JAKMIP1: variants seen among roughly 807,000 people sequenced by gnomAD.
JAKMIP1 encodes the protein janus kinase and microtubule interacting protein 1, also known as janus kinase and microtubule-interacting protein 1.
A neutral mutation model predicts 113.0 loss-of-function variants in JAKMIP1; 33 were observed. The observed-to-expected ratio is 0.29, with a 90% confidence interval of 0.22 to 0.39. JAKMIP1 has a LOEUF of 0.39. Ranked by LOEUF, JAKMIP1 falls within the 10% of genes least tolerant of loss-of-function variation. The pLI is 1.00. For missense variants in JAKMIP1, 813 were observed against 1,080.5 expected (o/e 0.75, Z 3.47); for synonymous variants, 480 against 459.9 (o/e 1.04, Z -0.56).
chr4:6,164,767 C>T (rs374400894), intron 1 of JAKMIP1, among the ~76,000 whole-genome samples: 3 of 152,270 alleles, frequency 2.0e-5, no homozygotes, highest in Non-Finnish European at 2.9e-5. Flanking sequence ...TGGAAGTAAT[C>T]GCATAAGTGG....
chr4:6,103,475 G>A lies in JAKMIP1; in HGVS notation c.624+1998C>T, dbSNP rs567848929. 2.2e-3 allele frequency among the ~76,000 whole-genome samples: 338 copies of A among 152,256 alleles called. 1 individual carries two copies. In the South Asian group the frequency reaches 0.024, roughly 11 times the overall value. On this transcript the variant is annotated intron_variant, in intron 3 of 20. Coordinates refer to ENST00000409021, the MANE Select transcript of JAKMIP1 (RefSeq NM_001099433.2). ...GGTAATCCAAAAGTTTTCTTATCCT[G>A]TAATGTTATTGCTTTTGGAATCAGA... is the stretch of plus-strand genomic sequence containing the variant.
rs1018824470 is a variant in JAKMIP1, at chr4:6,140,857, C to T, written c.-147-27860G>A. On this transcript the variant is annotated intron_variant, in intron 1 of 20. Transcript: ENST00000409021. The surrounding 1 kb of genome is among the most constrained non-coding windows in gnomAD (Gnocchi z 9.4). ...GGTCAGCCACAGGCACTGGTTGGAGCTCATCTGTCCTCAGCACAGTGCCTG... is the reference window on the plus strand; with the variant it reads ...GGTCAGCCACAGGCACTGGTTGGAGTTCATCTGTCCTCAGCACAGTGCCTG... 6.6e-6 allele frequency among the ~76,000 whole-genome samples: 1 copy of T among 152,192 alleles called. No homozygotes were observed. Among genetic ancestry groups the T allele is most frequent in the African/African-American group, 2.4e-5 (1 of 41,426 alleles).
chr4:6,089,998 A>C lies in JAKMIP1; in HGVS notation c.625-4369T>G, dbSNP rs1470584602. On this transcript the variant is annotated intron_variant, in intron 3 of 20. Coordinates refer to ENST00000409021, the MANE Select transcript of JAKMIP1 (RefSeq NM_001099433.2). The surrounding 1 kb of genome is among the most constrained non-coding windows in gnomAD (Gnocchi z 5.3). The stretch of plus-strand genomic sequence containing the variant: ...GCACTTTGGGAGGCCGAGGCAGGCG[A>C]ATCACCTGGGGTCAGGAGTCTGAGA... Among the ~76,000 whole-genome samples, 2 of 152,148 alleles carry C rather than the reference A, an allele frequency of 1.3e-5. No homozygotes were observed. The highest frequency in any genetic ancestry group is 4.8e-5 in the African/African-American group (2 of 41,436).
intron 19 of JAKMIP1, among the ~76,000 whole-genome samples, chr4:6,035,512 A>G (rs1713297493): frequency 6.6e-6 from 1 of 152,136 alleles, no homozygotes; most frequent in Non-Finnish European, 1.5e-5. Flanking sequence ...CAGACCTACA[A>G]CTGGTACAGC....
At chr4:6,043,763 G>C (rs1714651199) in intron 16 of JAKMIP1, among the ~76,000 whole-genome samples, 1 of 104,662 alleles carries the variant, frequency 9.6e-6, no homozygotes, top group South Asian at 3.0e-4. Context: ...TGCCCCCCCA[G>C]CCAGCAAGTT....
intron 1 of JAKMIP1, among the ~76,000 whole-genome samples, chr4:6,177,594 A>G (rs73077418): frequency 0.073 from 11,104 of 152,164 alleles, 657 homozygotes; most frequent in African/African-American, 0.17. Flanking sequence ...CTGCATCATC[A>G]CACCTCACTT....
rs1490465062 is a variant in JAKMIP1, at chr4:6,192,333, A to G, written c.-148+7920T>C. Among the ~76,000 whole-genome samples the G allele has an allele frequency of 6.6e-6, 1 of 152,198 alleles. No homozygotes were observed. The highest frequency in any genetic ancestry group is 1.5e-5 in the Non-Finnish European group (1 of 68,040). On this transcript the variant is annotated intron_variant, in intron 1 of 20. Coordinates refer to ENST00000409021, the MANE Select transcript of JAKMIP1 (RefSeq NM_001099433.2). This position sits in a 1 kb window ranked among gnomAD's most constrained non-coding sequence, Gnocchi z 5.0. The stretch of plus-strand genomic sequence containing the variant: ...AGTGGCTACTGGAATGGGACAGCTC[A>G]GCTCCAGGAGGTCCCCTGGTGGCCT...
At chr4:6,164,815 C>T (rs1335043529) in intron 1 of JAKMIP1, among the ~76,000 whole-genome samples, 1 of 152,264 alleles carries the variant, frequency 6.6e-6, no homozygotes, top group African/African-American at 2.4e-5. Flanking sequence ...AAGTGGATTC[C>T]GAAGATGTGA....
chr4:6,164,332 T>A (rs919941264), intron 1 of JAKMIP1, among the ~76,000 whole-genome samples: 1 of 152,160 alleles, frequency 6.6e-6, no homozygotes, highest in Non-Finnish European at 1.5e-5. Context: ...CACATCTGTC[T>A]GTAGCATGGT....
intron 1 of JAKMIP1, among the ~76,000 whole-genome samples, chr4:6,170,011 C>CA (rs758718517): frequency 0.01 from 1,033 of 100,226 alleles, 12 homozygotes; most frequent in African/African-American, 0.041. Flanking sequence ...CACCACCACC[C>CA]TCACCACCAC....
At chr4:6,170,224 G>C (rs1159762853) in intron 1 of JAKMIP1, among the ~76,000 whole-genome samples, 9 of 97,018 alleles carry the variant, frequency 9.3e-5, no homozygotes, top group East Asian at 3.4e-4. Context: ...CCATCATAAT[G>C]CTCTCCACCA....
intron 1 of JAKMIP1, among the ~76,000 whole-genome samples, chr4:6,165,293 A>G (rs1007639625): frequency 2.0e-5 from 3 of 152,130 alleles, no homozygotes; most frequent in Admixed American, 1.3e-4. Context: ...GTTTTGTTTT[A>G]TTTTGTTTTG....
rs1712343584 is a variant in JAKMIP1, at chr4:6,029,719, T to C, written c.2442A>G (p.Glu814=). The C allele has an allele frequency of 6.3e-7, 1 of 1,598,448 alleles. No homozygotes were observed. The change falls in exon 20 of 21, where the codon GAA becomes GAG. Residue 814 remains glutamate, a synonymous_variant. Coordinates refer to ENST00000409021, the MANE Select transcript of JAKMIP1 (RefSeq NM_001099433.2). ...FQKRHLKELE[E]KFLFLFLFFS... ...AGTCTGAGCTGCAGTCACCTACCTTTTCCTCCAGTTCTTTCAGGTGCCGCT... is the reference window on the plus strand; with the variant it reads ...AGTCTGAGCTGCAGTCACCTACCTTCTCCTCCAGTTCTTTCAGGTGCCGCT...
rs759936324 is a variant in JAKMIP1 at position 6,098,546 on chromosome 4, A to AAAAG, written c.624+6923_624+6926dup. 7.6e-3 allele frequency among the ~76,000 whole-genome samples: 353 copies of AAAAG among 46,560 alleles called. 8 individuals are homozygous for AAAAG. Among genetic ancestry groups the AAAAG allele is most frequent in the African/African-American group, 0.017 (322 of 19,114 alleles). The allele number at this position is 46,560 out of a possible 152,430, so 30.5% of individuals were successfully genotyped here. A position where few individuals can be genotyped will look rare whatever the true frequency, so the allele number is the denominator to read the frequency against. Reference sequence around the variant, plus strand: ...AGAAAGAGAGAGAGAGAGAGAAAGAAAAAGAAAGAAAGAAAGAAAGAAAGA... The same window carrying AAAAG: ...AGAAAGAGAGAGAGAGAGAGAAAGAAAAAGAAAGAAAGAAAGAAAGAAAGAAAGA... On this transcript the variant is annotated intron_variant, in intron 3 of 20. Transcript: ENST00000409021.
In JAKMIP1 at chr4:6,178,123, G is replaced by T. The variant is rs1237213184; in HGVS notation, c.-148+22130C>A. ...CCGACCCTCCTCCCTGGAGGGGAGG[G>T]ATAGGAAAGAAGGAAACAGAAGCCC... On this transcript the variant is annotated intron_variant, in intron 1 of 20. Coordinates refer to ENST00000409021, the MANE Select transcript of JAKMIP1 (RefSeq NM_001099433.2). This position sits in a 1 kb window ranked among gnomAD's most constrained non-coding sequence, Gnocchi z 5.5. 1.3e-5 allele frequency among the ~76,000 whole-genome samples: 2 copies of T among 152,322 alleles called. No homozygotes were observed. The highest frequency in any genetic ancestry group is 3.9e-4 in the East Asian group (2 of 5,184).
chr4:6,041,585 C>T (rs1370083833), intron 17 of JAKMIP1, among the ~76,000 whole-genome samples: 1 of 152,194 alleles, frequency 6.6e-6, no homozygotes, highest in East Asian at 1.9e-4. Context: ...ATAACCACCA[C>T]CACCATTTGT....
At position 6,044,026 on chromosome 4, in the gene JAKMIP1, GC is replaced by G. The variant is rs1714681731; in HGVS notation, c.2029-1800del. Among the ~76,000 whole-genome samples, 2 of 152,100 alleles carry G rather than the reference GC, an allele frequency of 1.3e-5. No homozygotes were observed. The highest frequency in any genetic ancestry group is 4.8e-5 in the African/African-American group (2 of 41,494). On this transcript the variant is annotated intron_variant, in intron 16 of 20. Transcript: ENST00000409021. This position sits in a 1 kb window ranked among gnomAD's most constrained non-coding sequence, Gnocchi z 4.4. Reference sequence around the variant, plus strand: ...CCTACCTCTCCTGGCCCCAGCCTCAGCCCCAGGCCTTTAACAAGCTAGCATC... The same window carrying G: ...CCTACCTCTCCTGGCCCCAGCCTCAGCCCAGGCCTTTAACAAGCTAGCATC...
In JAKMIP1 at chr4:6,049,566, G is replaced by A. The variant is rs1715405272; in HGVS notation, c.1962+253C>T. Among the ~76,000 whole-genome samples, 1 of 151,832 alleles carries A rather than the reference G, an allele frequency of 6.6e-6. No individual in the cohort carries two copies. Among genetic ancestry groups the A allele is most frequent in the Non-Finnish European group, 1.5e-5 (1 of 67,986 alleles). ...TCTCGTGTGACTCCACCTGCATTCT[G>A]GGTAGGGATTCTGAGGCTTTCCCGT... On this transcript the variant is annotated intron_variant, in intron 15 of 20. Transcript: ENST00000409021. The surrounding 1 kb of genome is among the most constrained non-coding windows in gnomAD (Gnocchi z 7.0).
chr4:6,178,335 T>C lies in JAKMIP1; in HGVS notation c.-148+21918A>G, dbSNP rs1243129858. Among the ~76,000 whole-genome samples the C allele has an allele frequency of 6.6e-6, 1 of 152,152 alleles. No homozygotes were observed. The highest frequency in any genetic ancestry group is 1.9e-4 in the East Asian group (1 of 5,186). On this transcript the variant is annotated intron_variant, in intron 1 of 20. Transcript: ENST00000409021. The surrounding 1 kb of genome is among the most constrained non-coding windows in gnomAD (Gnocchi z 5.5). Reference sequence around the variant, plus strand: ...TCCTCTTGAATTGTAGTTCCCATAATCCCCATGTGTGGTGGGAGGGACCTC... The same window carrying C: ...TCCTCTTGAATTGTAGTTCCCATAACCCCCATGTGTGGTGGGAGGGACCTC...
Sources: gnomAD v4.1 joint callset for allele counts (sites outside exome capture counted in the v4.1 genomes callset) on GRCh38, gnomAD v4.1.1 for gene constraint, Gnocchi (gnomAD v3.1) non-coding constraint, MANE v1.5 for transcripts, NCBI Gene and HGNC (gene_info 2026-07-23, HGNC 2026-07-21) for gene names.